Variants in FOXO1 observed in about 807,000 individuals in gnomAD.
The protein encoded by FOXO1 is forkhead box O1.
Under a neutral mutation model 44.1 loss-of-function variants are expected in FOXO1, and 6 were observed. The observed-to-expected ratio is 0.14, with a 90% CI of 0.07 to 0.27. FOXO1 has a LOEUF of 0.27. Among genes scored for constraint, FOXO1 ranks in the 10% least tolerant of loss-of-function variants. The pLI is 1.00. For synonymous variants in FOXO1, 380 were observed against 362.7 expected, an observed-to-expected ratio of 1.05 and a Z score of -0.54; for missense variants, 737 against 888.8, an observed-to-expected ratio of 0.83 and a Z score of 2.17.
chr13:40,628,356 TACACAC>T lies in FOXO1; in HGVS notation c.630+37221_630+37226del, dbSNP rs34314244. On this transcript the variant is annotated intron_variant, in intron 1 of 2. Transcript: ENST00000379561. ...TCAGCTATTCCTCAAAAGAGCTGTT[TACACAC>T]ACACACACACACACACACACACACA... 9.0e-3 allele frequency among the ~76,000 whole-genome samples: 1,310 copies of T among 145,298 alleles called. 20 individuals are homozygous for T. The highest frequency in any genetic ancestry group is 0.014 in the Middle Eastern group (4 of 280).
rs144341211 is a variant in FOXO1, at chr13:40,618,474, G to A, written c.630+47109C>T. The stretch of plus-strand genomic sequence containing the variant: ...GCTCCCAAGAGCTGTTCCACAGAAC[G>A]GGATTGTATTCTGGTGGATGATTTG... On this transcript the variant is annotated intron_variant, in intron 1 of 2. Transcript: ENST00000379561. Among the ~76,000 whole-genome samples the A allele has an allele frequency of 1.9e-3, 295 of 152,350 alleles. 1 individual carries two copies. Among genetic ancestry groups the A allele is most frequent in the African/African-American group, 6.9e-3 (286 of 41,574 alleles).
At chr13:40,661,529 T>C (rs915102468) in intron 1 of FOXO1, among the ~76,000 whole-genome samples, 1 of 152,190 alleles carries the variant, frequency 6.6e-6, no homozygotes, top group South Asian at 2.1e-4. Flanking sequence ...ACTCCTGAGC[T>C]CAGGCAATCC....
chr13:40,637,260 C>T (rs575648466), intron 1 of FOXO1, among the ~76,000 whole-genome samples: 29 of 151,958 alleles, frequency 1.9e-4, no homozygotes, highest in African/African-American at 6.5e-4. Context: ...CTGGCTAACA[C>T]GGTGAAACCC....
chr13:40,602,034 ATGTAAACCTT>A (rs1875832041), intron 1 of FOXO1, among the ~76,000 whole-genome samples: 2 of 152,224 alleles, frequency 1.3e-5, no homozygotes, highest in African/African-American at 2.4e-5. Context: ...AGAAAGATTC[ATGTAAACCTT>A]AGTCCCATCA....
chr13:40,633,316 T>C (rs1464293217), intron 1 of FOXO1, among the ~76,000 whole-genome samples: 1 of 152,196 alleles, frequency 6.6e-6, no homozygotes, highest in Non-Finnish European at 1.5e-5. Context: ...TATACATGAA[T>C]AATCAAAACA....
intron 1 of FOXO1, among the ~76,000 whole-genome samples, chr13:40,598,454 A>C (rs777066420): frequency 3.0e-4 from 46 of 152,174 alleles, no homozygotes; most frequent in Non-Finnish European, 2.6e-4. Flanking sequence ...AAAACAAACG[A>C]ATGAACAAAA....
At chr13:40,602,302 G>A (rs943257222) in intron 1 of FOXO1, among the ~76,000 whole-genome samples, 8 of 152,104 alleles carry the variant, frequency 5.3e-5, no homozygotes, top group Non-Finnish European at 8.8e-5. Flanking sequence ...TCATTTGCAA[G>A]AAACTAAGCC....
chr13:40,582,573 G>C (rs1196130070), intron 1 of FOXO1, among the ~76,000 whole-genome samples: 1 of 152,110 alleles, frequency 6.6e-6, no homozygotes, highest in Non-Finnish European at 1.5e-5. Flanking sequence ...AGCCTTTACT[G>C]TCATTTCAAC....
intron 1 of FOXO1, among the ~76,000 whole-genome samples, chr13:40,584,003 A>G (rs935910068): frequency 6.6e-5 from 10 of 152,118 alleles, no homozygotes; most frequent in African/African-American, 2.2e-4. Context: ...TTGAACATGT[A>G]GAAGCCATTG....
chr13:40,661,059 A>G (rs1456884674), intron 1 of FOXO1, among the ~76,000 whole-genome samples: 1 of 152,182 alleles, frequency 6.6e-6, no homozygotes, highest in Non-Finnish European at 1.5e-5. Flanking sequence ...CCACAAAACC[A>G]TGCGTAAAAA....
Position 40,666,304 on chromosome 13 carries a change from T to G in FOXO1, c.-92A>C. 1 of 1,108,268 alleles carries G rather than the reference T, an allele frequency of 9.0e-7. No individual in the cohort carries two copies. Among genetic ancestry groups the G allele is most frequent in the Middle Eastern group, 3.3e-4 (1 of 3,028 alleles). 68.7% of individuals were successfully genotyped at this position (1,108,268 alleles called of 1,614,324 possible). Reference sequence around the variant, plus strand: ...ACGGGGAGGGGGCGCGAAGGGACGGTCCGAGATTTGGGGGAACGAAGCCGG... The same window carrying G: ...ACGGGGAGGGGGCGCGAAGGGACGGGCCGAGATTTGGGGGAACGAAGCCGG... On this transcript the variant is annotated 5_prime_UTR_variant, in exon 1 of 3. Coordinates refer to ENST00000379561, the MANE Select transcript of FOXO1 (RefSeq NM_002015.4).
chr13:40,620,028 T>C (rs1476875888), intron 1 of FOXO1: 5 of 815,508 alleles, frequency 6.1e-6, no homozygotes, highest in East Asian at 2.5e-5. Flanking sequence ...AAAGGGAAAG[T>C]AGACCAGTAC....
rs1269062324 is a variant in FOXO1, at chr13:40,558,563, C to T, written c.*486G>A. On this transcript the variant is annotated 3_prime_UTR_variant, in exon 3 of 3. Transcript: ENST00000379561. ...TCAGTTCTTTGTGATCCGTCAGTTC[C>T]GCAGAAAACAGGTAGTACAAACAAA... is the stretch of plus-strand genomic sequence containing the variant. 8 of 290,636 alleles carry T rather than the reference C, an allele frequency of 2.8e-5. No individual in the cohort carries two copies. Among genetic ancestry groups the T allele is most frequent in the East Asian group, 1.1e-4 (2 of 18,114 alleles). 18.0% of individuals were successfully genotyped at this position (290,636 alleles called of 1,614,324 possible).
In FOXO1 at chr13:40,665,850, C is replaced by A. The variant is rs1039588249; in HGVS notation, c.363G>T (p.Ala121=). The change falls in exon 1 of 3, where the codon GCG becomes GCT. Residue 121 remains alanine (A), a synonymous_variant. Coordinates refer to ENST00000379561, the MANE Select transcript of FOXO1 (RefSeq NM_002015.4). Reference sequence around the variant, plus strand: ...GCCCGGGCGGCGGGGGCTGCGGTGGCGCTGGGTGCAGGCAGCCCGCCTCCG... The same window carrying A: ...GCCCGGGCGGCGGGGGCTGCGGTGGAGCTGGGTGCAGGCAGCCCGCCTCCG... ...QGPEAGCLHP[A]PPQPPPPGPL... The A allele has an allele frequency of 5.3e-6, 6 of 1,132,474 alleles. No individual in the cohort carries two copies. The highest frequency in any genetic ancestry group is 5.0e-5 in the African/African-American group (3 of 60,368). The allele number at this position is 1,132,474 out of a possible 1,614,324, so 70.2% of individuals were successfully genotyped here. A position where few individuals can be genotyped will look rare whatever the true frequency, so the allele number is the denominator to read the frequency against.
chr13:40,577,286 T>A (rs1452842262), intron 1 of FOXO1, among the ~76,000 whole-genome samples: 3 of 152,174 alleles, frequency 2.0e-5, no homozygotes, highest in Non-Finnish European at 4.4e-5. Flanking sequence ...AGAATTCGAT[T>A]ATAAACATTT....
chr13:40,579,121 A>G (rs944830596), intron 1 of FOXO1, among the ~76,000 whole-genome samples: 2 of 152,240 alleles, frequency 1.3e-5, no homozygotes, highest in African/African-American at 4.8e-5. Flanking sequence ...TGTAATGGGT[A>G]TAAGTGCTTC....
chr13:40,561,232 G>C (rs975584978), intron 1 of FOXO1, among the ~76,000 whole-genome samples: 3 of 151,006 alleles, frequency 2.0e-5, no homozygotes, highest in African/African-American at 7.3e-5. Context: ...CAAACCTGTA[G>C]TCCCAGCTAC....
At chr13:40,662,090 G>A (rs1878053103) in intron 1 of FOXO1, among the ~76,000 whole-genome samples, 1 of 144,316 alleles carries the variant, frequency 6.9e-6, no homozygotes, top group Admixed American at 7.3e-5. Flanking sequence ...AGAATTGCTT[G>A]AACCTGGGAG....
intron 1 of FOXO1, among the ~76,000 whole-genome samples, chr13:40,633,042 A>G (rs1459515693): frequency 6.6e-6 from 1 of 152,242 alleles, no homozygotes; most frequent in Non-Finnish European, 1.5e-5. Flanking sequence ...AGAAAAATGG[A>G]AAACAAAATT....
Sources: allele counts gnomAD v4.1 joint callset (sites outside exome capture counted in the v4.1 genomes callset), GRCh38; gene constraint gnomAD v4.1.1; transcripts MANE v1.5; gene names NCBI Gene and HGNC (gene_info 2026-07-23, HGNC 2026-07-21).